Variants in CREB5 observed in about 807,000 individuals in gnomAD.
CREB5 encodes cyclic AMP-responsive element-binding protein 5.
Under a neutral mutation model 57.1 loss-of-function variants are expected in CREB5, and 19 were observed. The ratio of observed to expected loss-of-function variants is 0.33; its 90% CI spans 0.23 to 0.49. The LOEUF is 0.49. CREB5 is among the 20% of genes least tolerant of loss of function. The pLI is 0.99. For synonymous variants in CREB5, 238 were observed against 238.3 expected, an observed-to-expected ratio of 1.00 and a Z score of 0.01; for missense variants, 579 against 671.6, an observed-to-expected ratio of 0.86 and a Z score of 1.52.
intron 7 of CREB5, among the ~76,000 whole-genome samples, chr7:28,784,672 G>A (rs1300178994): frequency 6.6e-6 from 1 of 152,130 alleles, no homozygotes; most frequent in Non-Finnish European, 1.5e-5. Context: ...TACCCTGGCA[G>A]GAAAGGTTCG....
intron 1 of CREB5, among the ~76,000 whole-genome samples, chr7:28,468,113 A>C (rs944842013): frequency 6.6e-6 from 1 of 152,114 alleles, no homozygotes; most frequent in Non-Finnish European, 1.5e-5. Flanking sequence ...AGGAGAACTT[A>C]CCACTGGAAT....
intron 4 of CREB5, among the ~76,000 whole-genome samples, chr7:28,527,642 C>T (rs1347080242): frequency 2.6e-5 from 4 of 152,136 alleles, no homozygotes; most frequent in Non-Finnish European, 5.9e-5. Context: ...TATGGTGAGA[C>T]ATCATCACTA....
intron 5 of CREB5, among the ~76,000 whole-genome samples, chr7:28,709,810 T>G (rs1043642802): frequency 2.0e-5 from 3 of 152,340 alleles, no homozygotes; most frequent in Middle Eastern, 3.4e-3. Context: ...TGTGGTAAAC[T>G]TCATTTCCAA....
At chr7:28,646,789 A>G (rs1206202414) in intron 5 of CREB5, among the ~76,000 whole-genome samples, 1 of 152,110 alleles carries the variant, frequency 6.6e-6, no homozygotes, top group African/African-American at 2.4e-5. Context: ...CCTTTTGCAA[A>G]TGAGATTTTT....
intron 1 of CREB5, among the ~76,000 whole-genome samples, chr7:28,413,179 G>A (rs889959993): frequency 1.3e-5 from 2 of 151,810 alleles, no homozygotes; most frequent in Non-Finnish European, 2.9e-5. Flanking sequence ...ATGAACTACA[G>A]TGGGGAAGCT....
intron 7 of CREB5, among the ~76,000 whole-genome samples, chr7:28,793,498 C>T (rs1029978994): frequency 2.0e-5 from 3 of 152,202 alleles, no homozygotes; most frequent in African/African-American, 7.2e-5. Context: ...ACAGCTGTCT[C>T]GAGGGGTAGA....
chr7:28,498,173 G>A (rs1792129429), intron 3 of CREB5, among the ~76,000 whole-genome samples: 1 of 151,844 alleles, frequency 6.6e-6, no homozygotes, highest in South Asian at 2.1e-4. Context: ...CATATTTTGT[G>A]GCCTATCATG....
intron 1 of CREB5, among the ~76,000 whole-genome samples, chr7:28,333,382 C>T (rs995547811): frequency 3.9e-5 from 6 of 152,262 alleles, no homozygotes; most frequent in African/African-American, 1.4e-4. Context: ...AAGCATTTAT[C>T]CTTTGTGTTA....
intron 1 of CREB5, among the ~76,000 whole-genome samples, chr7:28,460,274 G>A (rs1322561789): frequency 6.6e-6 from 1 of 151,820 alleles, no homozygotes; most frequent in Non-Finnish European, 1.5e-5. Flanking sequence ...AAAAGGGAGA[G>A]GATAAAAAGG....
intron 1 of CREB5, among the ~76,000 whole-genome samples, chr7:28,375,634 GA>G (rs1786808284): frequency 6.6e-6 from 1 of 151,342 alleles, no homozygotes; most frequent in Non-Finnish European, 1.5e-5. Context: ...AGGGCATCAT[GA>G]AAATAGTTTA....
At chr7:28,451,559 G>A (rs1193165319) in intron 1 of CREB5, among the ~76,000 whole-genome samples, 1 of 151,768 alleles carries the variant, frequency 6.6e-6, no homozygotes, top group Non-Finnish European at 1.5e-5. Flanking sequence ...TGGTTTGTGA[G>A]GTTGTAGCTT....
chr7:28,702,950 A>G (rs1801938813), intron 5 of CREB5, among the ~76,000 whole-genome samples: 1 of 151,682 alleles, frequency 6.6e-6, no homozygotes, highest in Admixed American at 6.6e-5. Flanking sequence ...AGTGTGGCAC[A>G]TTCTAGGAAA....
At chr7:28,635,034 G>A (rs1014942649) in intron 5 of CREB5, among the ~76,000 whole-genome samples, 2 of 152,122 alleles carry the variant, frequency 1.3e-5, no homozygotes, top group African/African-American at 4.8e-5. Context: ...GGGTATTGTC[G>A]AGGAATTTAC....
intron 1 of CREB5, among the ~76,000 whole-genome samples, chr7:28,336,285 T>C (rs1201867274): frequency 6.6e-6 from 1 of 152,132 alleles, no homozygotes; most frequent in African/African-American, 2.4e-5. Context: ...TAGACTTCTG[T>C]AAATGTTTGG....
Position 28,820,278 on chromosome 7 carries a change from A to G in CREB5, c.*999A>G, listed in dbSNP as rs879715280. ...TTTTGATGTGGGGCTATAACATGAC[A>G]CCCTTGGATTGCGACTGGTTTTATA... is the stretch of plus-strand genomic sequence containing the variant. On this transcript the variant is annotated 3_prime_UTR_variant, in exon 11 of 11. Transcript: ENST00000357727. 1 of 152,510 alleles carries G rather than the reference A, an allele frequency of 6.6e-6. No individual in the cohort carries two copies. The highest frequency in any genetic ancestry group is 6.6e-5 in the Admixed American group (1 of 15,254). The allele number at this position is 152,510 out of a possible 1,614,324, so 9.4% of individuals were successfully genotyped here. A position where few individuals can be genotyped will look rare whatever the true frequency, so the allele number is the denominator to read the frequency against.
chr7:28,570,346 CTG>C lies in CREB5; in HGVS notation c.292-15_292-14del. 6.2e-7 allele frequency: 1 copy of C among 1,602,700 alleles called. No individual in the cohort carries two copies. Among genetic ancestry groups the C allele is most frequent in the Non-Finnish European group, 8.5e-7 (1 of 1,172,150 alleles). On this transcript the variant is annotated splice_polypyrimidine_tract_variant and intron_variant, in intron 4 of 10. Transcript: ENST00000357727. ...ACATTGACTCCTCCTGACCTTTCCC[CTG>C]TGTCTTCTCTGGGCAGAATATCTCG...
intron 1 of CREB5, among the ~76,000 whole-genome samples, chr7:28,413,894 T>A (rs1269278328): frequency 6.6e-6 from 1 of 152,092 alleles, no homozygotes; most frequent in Non-Finnish European, 1.5e-5. Flanking sequence ...AATCATGGAG[T>A]TTCCATGATG....
intron 1 of CREB5, among the ~76,000 whole-genome samples, chr7:28,300,174 C>T (rs557751518): frequency 2.4e-4 from 36 of 152,030 alleles, no homozygotes; most frequent in African/African-American, 7.7e-4. Flanking sequence ...CTCCATTACC[C>T]GTGCAAGGAT....
intron 4 of CREB5, among the ~76,000 whole-genome samples, chr7:28,564,866 T>C (rs1230421532): frequency 6.6e-6 from 1 of 152,202 alleles, no homozygotes; most frequent in Non-Finnish European, 1.5e-5. Context: ...CGTTTGTAGG[T>C]CCATGAATCA....
Sources: allele counts gnomAD v4.1 joint callset (sites outside exome capture counted in the v4.1 genomes callset), GRCh38; gene constraint gnomAD v4.1.1; transcripts MANE v1.5; gene names NCBI Gene and HGNC (gene_info 2026-07-23, HGNC 2026-07-21).